The following KALRN variants were observed in gnomAD, a reference collection of about 807,000 sequenced individuals.
The protein encoded by KALRN is kalirin.
A neutral mutation model predicts 353.7 loss-of-function variants in KALRN; 70 were observed. The ratio of observed to expected loss-of-function variants is 0.20; its 90% CI spans 0.16 to 0.24. The LOEUF is 0.24. Among genes scored for constraint, KALRN ranks in the 10% least tolerant of loss-of-function variants. The pLI is 1.00. For synonymous variants in KALRN, 1,391 were observed against 1,434.8 expected (o/e 0.97, Z 0.69); for missense variants, 2,791 against 3,756.7 (o/e 0.74, Z 6.72).
At chr3:124,544,222 G>A (rs758659649) in intron 33 of KALRN, among the ~76,000 whole-genome samples, 2 of 152,150 alleles carry the variant, frequency 1.3e-5, no homozygotes, top group Admixed American at 6.5e-5. Context: ...CATGCACACT[G>A]GCACTTTTCA....
At chr3:124,433,347 T>C (rs1187996291) in intron 16 of KALRN, among the ~76,000 whole-genome samples, 1 of 151,682 alleles carries the variant, frequency 6.6e-6, no homozygotes, top group Non-Finnish European at 1.5e-5. Context: ...TCCCAGCACT[T>C]TGGGAGGCTG....
intron 3 of KALRN, among the ~76,000 whole-genome samples, chr3:124,240,125 C>T (rs771045867): frequency 3.9e-4 from 59 of 152,316 alleles, no homozygotes; most frequent in South Asian, 1.5e-3. Flanking sequence ...CTATTGTTGG[C>T]TATATGTAAC....
At chr3:124,550,140 A>C (rs751604581) in intron 33 of KALRN, among the ~76,000 whole-genome samples, 1 of 152,218 alleles carries the variant, frequency 6.6e-6, no homozygotes, top group Non-Finnish European at 1.5e-5. Context: ...GAGACAAAGG[A>C]AAGACTTAAT....
At chr3:124,358,931 G>A (rs891043986) in intron 10 of KALRN, among the ~76,000 whole-genome samples, 5 of 152,138 alleles carry the variant, frequency 3.3e-5, no homozygotes, top group African/African-American at 9.7e-5. Flanking sequence ...GGATGTCTCT[G>A]GGATCAGGCC....
At chr3:124,095,813 C>G (rs1578003066) in intron 1 of KALRN, 1 of 152,042 alleles carries the variant, frequency 6.6e-6, no homozygotes, top group East Asian at 1.9e-4. Context: ...GAGGTTTTGG[C>G]AAGAATGAGA....
intron 1 of KALRN, among the ~76,000 whole-genome samples, chr3:124,091,947 A>C (rs1275799215): frequency 1.3e-5 from 2 of 152,184 alleles, no homozygotes; most frequent in Non-Finnish European, 2.9e-5. Flanking sequence ...CTGCATTTCA[A>C]GTAAGACTTA....
At chr3:124,146,870 G>C (rs1182962807) in intron 1 of KALRN, among the ~76,000 whole-genome samples, 1 of 486 alleles carries the variant, frequency 2.1e-3, no homozygotes, top group Non-Finnish European at 0.012. Context: ...GAGCGACTCT[G>C]TCTCAAAAAA....
At chr3:124,574,945 C>T (rs2073939222) in intron 34 of KALRN, among the ~76,000 whole-genome samples, 1 of 152,230 alleles carries the variant, frequency 6.6e-6, no homozygotes, top group East Asian at 1.9e-4. Context: ...ACCCTCCTCT[C>T]ACCGCCACAC....
chr3:124,322,845 T>C (rs1262229784), intron 6 of KALRN, among the ~76,000 whole-genome samples: 2 of 152,178 alleles, frequency 1.3e-5, no homozygotes, highest in Non-Finnish European at 2.9e-5. Context: ...TTAGAATCTA[T>C]CTGCCCATTT....
chr3:124,437,223 A>G (rs2093499016), intron 17 of KALRN, among the ~76,000 whole-genome samples: 2 of 152,148 alleles, frequency 1.3e-5, no homozygotes, highest in Admixed American at 6.5e-5. Flanking sequence ...AAGATTGGTG[A>G]CAGATCTTCT....
At position 124,632,675 on chromosome 3, in the gene KALRN, C is replaced by A. The variant is rs1187453433; in HGVS notation, c.5438C>A (p.Thr1813Lys). ...DLGSPKPGDE[T>K]TPQGDSADES... ...GGATCTCCCAAGCCTGGGGATGAAA[C>A]AACCCCTCAGGGAGACAGCGCTGAT... The change falls in exon 35 of 60, where the codon ACA becomes AAA. Residue 1813 changes from threonine to lysine, a missense_variant. Around this residue, in one of 11 missense-constraint regions of KALRN, gnomAD observed 1,065 missense variants for 1,156.4 expected, o/e 0.92. Coordinates refer to ENST00000682506, the MANE Select transcript of KALRN (RefSeq NM_001388419.1). 6.2e-7 allele frequency: 1 copy of A among 1,614,020 alleles called. No homozygotes were observed. The highest frequency in any genetic ancestry group is 2.2e-5 in the East Asian group (1 of 44,888).
rs1274089423 is a variant in KALRN at position 124,696,128 on chromosome 3, C to G, written c.7578-6C>G. 6.2e-7 allele frequency: 1 copy of G among 1,613,550 alleles called. No individual in the cohort carries two copies. Among genetic ancestry groups the G allele is most frequent in the Admixed American group, 1.7e-5 (1 of 59,996 alleles). On this transcript the variant is annotated splice_region_variant and splice_polypyrimidine_tract_variant and intron_variant, in intron 53 of 59. Transcript: ENST00000682506. ...AGTCTGAAGAGCATCCTTTTGGTGT[C>G]CCTAGTGATTCTGGAGAAATCACCC...
At chr3:124,631,705 A>G (rs992215414) in intron 34 of KALRN, among the ~76,000 whole-genome samples, 1 of 152,180 alleles carries the variant, frequency 6.6e-6, no homozygotes, top group Non-Finnish European at 1.5e-5. Context: ...AGAAACCAGA[A>G]TGACCTTTAA....
chr3:124,165,598 C>A (rs1054312129), intron 1 of KALRN, among the ~76,000 whole-genome samples: 1 of 152,214 alleles, frequency 6.6e-6, no homozygotes, highest in African/African-American at 2.4e-5. Context: ...CTGTTGTAGC[C>A]TGGAATGCCA....
At chr3:124,415,299 C>T (rs535268541) in intron 14 of KALRN, among the ~76,000 whole-genome samples, 6 of 152,344 alleles carry the variant, frequency 3.9e-5, no homozygotes, top group South Asian at 2.1e-4. Flanking sequence ...AAAAGCTCCT[C>T]GGGTGATTCA....
At chr3:124,516,842 G>A (rs2066640137) in intron 33 of KALRN, among the ~76,000 whole-genome samples, 1 of 151,700 alleles carries the variant, frequency 6.6e-6, no homozygotes, top group Non-Finnish European at 1.5e-5. Flanking sequence ...ACATGAGACG[G>A]AGTCTCACTC....
intron 10 of KALRN, among the ~76,000 whole-genome samples, chr3:124,375,073 T>C (rs2149830352): frequency 6.6e-6 from 1 of 152,296 alleles, no homozygotes; most frequent in South Asian, 2.1e-4. Context: ...ATGTTCCCCT[T>C]CATTGTTTTG....
At chr3:124,217,492 A>G (rs10049161) in intron 1 of KALRN, among the ~76,000 whole-genome samples, 87,828 of 152,022 alleles carry the variant, frequency 0.58, 26,006 homozygotes, top group Non-Finnish European at 0.65. Context: ...GGGTACGTAC[A>G]CAGACCTTTG....
At chr3:124,414,320 G>A (rs1266037525) in intron 14 of KALRN, among the ~76,000 whole-genome samples, 2 of 152,144 alleles carry the variant, frequency 1.3e-5, no homozygotes, top group Admixed American at 6.5e-5. Context: ...CACATGTGTA[G>A]TTGTTTCCTC....
Sources: gnomAD v4.1 joint callset for allele counts (sites outside exome capture counted in the v4.1 genomes callset) on GRCh38, gnomAD v4.1.1 for gene constraint, gnomAD v4.1.1 regional missense constraint, MANE v1.5 for transcripts, NCBI Gene and HGNC (gene_info 2026-07-23, HGNC 2026-07-21) for gene names.